The following SHOC2 variants were observed in gnomAD, a reference collection of about 807,000 sequenced individuals.
SHOC2 encodes the protein leucine-rich repeat protein SHOC-2.
A neutral mutation model predicts 50.2 loss-of-function variants in SHOC2; 4 were observed. The ratio of observed to expected loss-of-function variants is 0.08; its 90% CI spans 0.04 to 0.18. SHOC2 has a LOEUF of 0.18. Among genes scored for constraint, SHOC2 ranks in the 10% least tolerant of loss-of-function variants. The pLI, the probability that SHOC2 is intolerant of heterozygous loss-of-function variation, is 1.00. For synonymous variants in SHOC2, 218 were observed against 244.5 expected (o/e 0.89, Z 1.01); for missense variants, 388 against 669.6 (o/e 0.58, Z 4.64).
At chr10:111,008,375 G>A (rs1848507854) in intron 6 of SHOC2, among the ~76,000 whole-genome samples, 1 of 151,312 alleles carries the variant, frequency 6.6e-6, no homozygotes, top group Non-Finnish European at 1.5e-5. Context: ...ATTTAATAAG[G>A]TGAAATAGTA....
chr10:111,004,536 G>C, intron 4 of SHOC2, 70 bp from the exon 5 acceptor site: 1 of 1,138,620 alleles, frequency 8.8e-7, no homozygotes, highest in Non-Finnish European at 1.3e-6. Context: ...TTTGTGTTGG[G>C]ACTGCTGTTC....
At chr10:111,003,583 A>T (rs1259457921) in intron 4 of SHOC2, among the ~76,000 whole-genome samples, 3 of 152,218 alleles carry the variant, frequency 2.0e-5, no homozygotes, top group Non-Finnish European at 4.4e-5. Flanking sequence ...CTAGGTTCGG[A>T]AAAATAACTT....
intron 1 of SHOC2, among the ~76,000 whole-genome samples, chr10:110,937,477 T>C (rs1043606164): frequency 2.0e-5 from 3 of 152,220 alleles, no homozygotes; most frequent in African/African-American, 7.2e-5. Context: ...CTGTATTTAG[T>C]AGACCCTCTC....
At chr10:110,971,533 G>A (rs1847782654) in intron 2 of SHOC2, among the ~76,000 whole-genome samples, 1 of 151,984 alleles carries the variant, frequency 6.6e-6, no homozygotes, top group Non-Finnish European at 1.5e-5. Flanking sequence ...TGGCTATTTA[G>A]AGTCTTCTAT....
At chr10:110,980,040 A>G (rs78978287) in intron 2 of SHOC2, among the ~76,000 whole-genome samples, 1,907 of 152,298 alleles carry the variant, frequency 0.013, 41 homozygotes, top group African/African-American at 0.044. Context: ...GAGACATCCA[A>G]GTGTGTGAGT....
rs377169044 is a variant in SHOC2, at chr10:110,936,983, A to G, written c.-235+17326A>G. The G allele has an allele frequency of 5.6e-3, 8,149 of 1,460,540 alleles. 412 individuals are homozygous for G. The South Asian group carries it at 0.086, about 15-fold the overall frequency. 90.5% of individuals were successfully genotyped at this position (1,460,540 alleles called of 1,614,324 possible). A position where few individuals can be genotyped will look rare whatever the true frequency, so the allele number is the denominator to read the frequency against. ...GGTCTTGTGGGGCAGCATACTTCGC[A>G]CAGTCAGCCAGAAGATGGGGCTGGG... On this transcript the variant is annotated intron_variant, in intron 1 of 8. Coordinates refer to ENST00000369452, the MANE Select transcript of SHOC2 (RefSeq NM_007373.4).
chr10:110,992,372 A>T (rs1254941386), intron 3 of SHOC2, among the ~76,000 whole-genome samples: 2 of 152,224 alleles, frequency 1.3e-5, no homozygotes, highest in Admixed American at 1.3e-4. Flanking sequence ...ATATTTTCTC[A>T]TTCAGAAATT....
At chr10:110,950,095 G>A (rs960915916) in intron 1 of SHOC2, among the ~76,000 whole-genome samples, 1 of 152,018 alleles carries the variant, frequency 6.6e-6, no homozygotes, top group Non-Finnish European at 1.5e-5. Flanking sequence ...AAATCAATAA[G>A]GAAAAAGTAA....
intron 1 of SHOC2, among the ~76,000 whole-genome samples, chr10:110,921,464 T>C (rs1393398306): frequency 1.3e-5 from 2 of 152,208 alleles, no homozygotes; most frequent in Non-Finnish European, 2.9e-5. Flanking sequence ...TAAAACAATA[T>C]TGAAATCCCA....
At chr10:111,006,649 C>T (rs1174663432) in intron 5 of SHOC2, among the ~76,000 whole-genome samples, 4 of 152,270 alleles carry the variant, frequency 2.6e-5, no homozygotes, top group South Asian at 2.1e-4. Flanking sequence ...GGATTACAGG[C>T]GTGAGCCACC....
At chr10:111,005,009 A>T (rs1848442816) in intron 5 of SHOC2, among the ~76,000 whole-genome samples, 1 of 152,186 alleles carries the variant, frequency 6.6e-6, no homozygotes, top group African/African-American at 2.4e-5. Flanking sequence ...ATCATTGTCC[A>T]GCTCAGTGGC....
chr10:110,952,843 G>A (rs550923932), intron 1 of SHOC2, among the ~76,000 whole-genome samples: 97 of 152,284 alleles, frequency 6.4e-4, no homozygotes, highest in African/African-American at 2.3e-3. Flanking sequence ...TTAGTTTGTT[G>A]AAGATGATGG....
At chr10:110,946,198 C>T (rs1244729654) in intron 1 of SHOC2, among the ~76,000 whole-genome samples, 2 of 152,006 alleles carry the variant, frequency 1.3e-5, no homozygotes, top group African/African-American at 4.8e-5. Flanking sequence ...ATGGGAATGA[C>T]AATTCTATAC....
At chr10:110,975,314 C>A (rs534875337) in intron 2 of SHOC2, among the ~76,000 whole-genome samples, 81 of 152,218 alleles carry the variant, frequency 5.3e-4, no homozygotes, top group African/African-American at 1.9e-3. Context: ...TGTGACCACG[C>A]CCGGCTAATT....
intron 1 of SHOC2, among the ~76,000 whole-genome samples, chr10:110,940,084 T>C (rs1054544688): frequency 6.6e-6 from 1 of 152,238 alleles, no homozygotes; most frequent in Non-Finnish European, 1.5e-5. Flanking sequence ...AATTTCTCTT[T>C]TAAATAGCAG....
At chr10:110,973,035 C>G (rs1052234709) in intron 2 of SHOC2, among the ~76,000 whole-genome samples, 22 of 152,222 alleles carry the variant, frequency 1.4e-4, no homozygotes, top group African/African-American at 5.3e-4. Flanking sequence ...AGAAAACTTG[C>G]TTAGAAGAGC....
At chr10:111,008,286 A>T (rs573795347) in intron 6 of SHOC2, among the ~76,000 whole-genome samples, 1 of 151,076 alleles carries the variant, frequency 6.6e-6, no homozygotes, top group Non-Finnish European at 1.5e-5. Flanking sequence ...CTTTGATGAA[A>T]ATGCTTACTA....
chr10:110,932,524 A>T (rs528059923), intron 1 of SHOC2, among the ~76,000 whole-genome samples: 32 of 152,268 alleles, frequency 2.1e-4, no homozygotes, highest in Admixed American at 1.8e-3. Flanking sequence ...AAATTTGGGG[A>T]GAAAAATTGA....
intron 1 of SHOC2, among the ~76,000 whole-genome samples, chr10:110,955,621 G>T (rs971574967): frequency 5.9e-5 from 9 of 152,180 alleles, no homozygotes; most frequent in Non-Finnish European, 1.3e-4. Flanking sequence ...TGGGACATCT[G>T]TTAACCTGTA....
Sources: gnomAD v4.1 joint callset for allele counts (sites outside exome capture counted in the v4.1 genomes callset) on GRCh38, gnomAD v4.1.1 for gene constraint, MANE v1.5 for transcripts, NCBI Gene and HGNC (gene_info 2026-07-23, HGNC 2026-07-21) for gene names.